Variants in RSU1 observed in about 807,000 individuals in gnomAD.
The protein encoded by RSU1 is rsu-1.
In RSU1, 26 loss-of-function variants were observed where a neutral mutation model predicts 31.1. The ratio of observed to expected loss-of-function variants is 0.84; its 90% confidence interval spans 0.61 to 1.16. The LOEUF (loss-of-function observed/expected upper bound fraction) is 1.16. Ranked by LOEUF, RSU1 falls within the 50% of genes most tolerant of loss-of-function variation. The pLI is 0.00. For missense variants in RSU1, 320 were observed against 339.1 expected (o/e 0.94, Z 0.44); for synonymous variants, 164 against 136.3 (o/e 1.20, Z -1.41).
At chr10:16,773,689 T>G (rs1490450084) in intron 3 of RSU1, among the ~76,000 whole-genome samples, 2 of 152,214 alleles carry the variant, frequency 1.3e-5, no homozygotes, top group African/African-American at 4.8e-5. Flanking sequence ...CTTTTCTCTT[T>G]CACTTCCTGC....
chr10:16,723,951 T>C (rs942727390), intron 7 of RSU1, among the ~76,000 whole-genome samples: 1 of 152,190 alleles, frequency 6.6e-6, no homozygotes, highest in Non-Finnish European at 1.5e-5. Context: ...TTTTTATTTA[T>C]TTTTTTGAGA....
At chr10:16,773,990 C>G (rs368711880) in intron 3 of RSU1, among the ~76,000 whole-genome samples, 1 of 151,420 alleles carries the variant, frequency 6.6e-6, no homozygotes, top group Non-Finnish European at 1.5e-5. Context: ...AACAGCAAAA[C>G]GCAAGGTCAA....
At chr10:16,775,329 C>A (rs1336661356) in intron 3 of RSU1, among the ~76,000 whole-genome samples, 1 of 152,178 alleles carries the variant, frequency 6.6e-6, no homozygotes, top group Non-Finnish European at 1.5e-5. Flanking sequence ...GGCTTACACT[C>A]CCCCGTCTTA....
chr10:16,737,757 G>GAAA (rs34578854), intron 7 of RSU1, among the ~76,000 whole-genome samples: 1 of 146,086 alleles, frequency 6.8e-6, no homozygotes, highest in Non-Finnish European at 1.5e-5. Context: ...CTAACTTAAG[G>GAAA]AAAAAAAAAA....
In RSU1 at chr10:16,592,052, G is replaced by A. The variant is rs1452713017; in HGVS notation, c.*1342C>T. ...CTGTTTCCTAAGTAACTCAGAACTT[G>A]TTGTTTGATTTTGATTTTTGACTTT... On this transcript the variant is annotated 3_prime_UTR_variant, in exon 9 of 9. Transcript: ENST00000345264. 1 of 151,816 alleles carries A rather than the reference G, an allele frequency of 6.6e-6. No individual in the cohort carries two copies. Among genetic ancestry groups the A allele is most frequent in the Non-Finnish European group, 1.5e-5 (1 of 68,042 alleles). The allele number at this position is 151,816 out of a possible 1,614,324, so 9.4% of individuals were successfully genotyped here. A position where few individuals can be genotyped will look rare whatever the true frequency, so the allele number is the denominator to read the frequency against.
chr10:16,714,215 G>A (rs76131499), intron 7 of RSU1, among the ~76,000 whole-genome samples: 3,159 of 152,308 alleles, frequency 0.021, 101 homozygotes, highest in African/African-American at 0.07. Flanking sequence ...GATGGATGAA[G>A]AGTCTACTGG....
intron 7 of RSU1, among the ~76,000 whole-genome samples, chr10:16,735,072 G>A (rs145831471): frequency 6.6e-6 from 1 of 152,242 alleles, no homozygotes; most frequent in African/African-American, 2.4e-5. Context: ...TAATCTCCAC[G>A]AACACAAGAA....
At chr10:16,622,410 A>C (rs1297067843) in intron 8 of RSU1, among the ~76,000 whole-genome samples, 1 of 152,208 alleles carries the variant, frequency 6.6e-6, no homozygotes, top group Non-Finnish European at 1.5e-5. Flanking sequence ...CGTTCTAAAG[A>C]GGGCAACTGA....
chr10:16,674,397 AG>A (rs1179675324), intron 8 of RSU1, among the ~76,000 whole-genome samples: 2 of 139,566 alleles, frequency 1.4e-5, no homozygotes, highest in Admixed American at 1.4e-4. Context: ...GTGTCACGGA[AG>A]GTTTTTTTTT....
intron 7 of RSU1, among the ~76,000 whole-genome samples, chr10:16,742,441 T>C (rs894519032): frequency 3.9e-5 from 6 of 152,220 alleles, no homozygotes; most frequent in African/African-American, 1.4e-4. Context: ...CACACACGCA[T>C]GCAATACCAT....
At position 16,593,340 on chromosome 10, in the gene RSU1, A is replaced by ATGAAG. The variant is rs1354943923; in HGVS notation, c.*49_*53dup. ...TATTTGAGAGACAGGGCAAGAGAGA[A>ATGAAG]TGAAGTGTTGGAGAGAGAAGGTGCT... On this transcript the variant is annotated 3_prime_UTR_variant, in exon 9 of 9. Coordinates refer to ENST00000345264, the MANE Select transcript of RSU1 (RefSeq NM_012425.4). 8.7e-6 allele frequency: 14 copies of ATGAAG among 1,612,862 alleles called. No homozygotes were observed. Among genetic ancestry groups the ATGAAG allele is most frequent in the African/African-American group, 1.3e-5 (1 of 74,916 alleles).
intron 7 of RSU1, among the ~76,000 whole-genome samples, chr10:16,696,391 G>T (rs1286701023): frequency 1.3e-5 from 2 of 152,152 alleles, no homozygotes; most frequent in African/African-American, 4.8e-5. Context: ...ATTTTTTTAT[G>T]AGGAAGATAA....
At chr10:16,801,710 T>G (rs1838158592) in intron 2 of RSU1, among the ~76,000 whole-genome samples, 1 of 133,896 alleles carries the variant, frequency 7.5e-6, no homozygotes. Context: ...ACATTGGAAT[T>G]AAACTAGAAA....
In RSU1 at chr10:16,750,949, T is replaced by A. The variant is rs541660470; in HGVS notation, c.598+1590A>T. On this transcript the variant is annotated intron_variant, in intron 7 of 8. Transcript: ENST00000345264. ...GGCACGATCACTGCTCACTGCAGCTTTGACCTCCCAGGCTCAGGTGATCCT... is the reference window on the plus strand; with the variant it reads ...GGCACGATCACTGCTCACTGCAGCTATGACCTCCCAGGCTCAGGTGATCCT... Among the ~76,000 whole-genome samples the A allele has an allele frequency of 5.9e-5, 9 of 151,998 alleles. No individual in the cohort carries two copies. The South Asian group carries it at 8.4e-4, about 14-fold the overall frequency.
intron 8 of RSU1, among the ~76,000 whole-genome samples, chr10:16,598,122 T>C (rs552066892): frequency 2.0e-5 from 3 of 152,280 alleles, no homozygotes; most frequent in Non-Finnish European, 4.4e-5. Context: ...CTGAAACCTG[T>C]GACTGTTATT....
intron 7 of RSU1, among the ~76,000 whole-genome samples, chr10:16,710,627 C>T (rs1318082294): frequency 3.9e-5 from 6 of 151,992 alleles, no homozygotes. Flanking sequence ...GTGAAGCCAT[C>T]AGGTCCTAAG....
intron 8 of RSU1, among the ~76,000 whole-genome samples, chr10:16,662,792 A>T (rs941991009): frequency 2.6e-5 from 4 of 152,214 alleles, no homozygotes; most frequent in Non-Finnish European, 5.9e-5. Context: ...ACAGAAAAAA[A>T]TCGGGTTATT....
At chr10:16,809,513 A>T (rs1216307117) in intron 2 of RSU1, among the ~76,000 whole-genome samples, 2 of 152,234 alleles carry the variant, frequency 1.3e-5, no homozygotes, top group Non-Finnish European at 2.9e-5. Context: ...CAGAGGCTCA[A>T]CACTGACCCC....
At chr10:16,779,174 C>T (rs1041223966) in intron 3 of RSU1, among the ~76,000 whole-genome samples, 1 of 152,182 alleles carries the variant, frequency 6.6e-6, no homozygotes, top group African/African-American at 2.4e-5. Flanking sequence ...AACCCATCAA[C>T]GCTGCCCCAA....
Sources: allele counts gnomAD v4.1 joint callset (sites outside exome capture counted in the v4.1 genomes callset), GRCh38; gene constraint gnomAD v4.1.1; transcripts MANE v1.5; gene names NCBI Gene and HGNC (gene_info 2026-07-23, HGNC 2026-07-21).